The following HAPLN3 variants were observed in gnomAD, a reference collection of about 807,000 sequenced individuals.
The protein encoded by HAPLN3 is extracellular link domain containing, 1.
A neutral mutation model predicts 28.1 loss-of-function variants in HAPLN3; 28 were observed. That is an observed-to-expected ratio of 1.00 (90% CI 0.74 to 1.37). The LOEUF is 1.37. Among genes scored for constraint, HAPLN3 ranks in the 40% most tolerant of loss-of-function variants. HAPLN3 has a pLI of 0.00. For missense variants in HAPLN3, 513 were observed against 504.6 expected (o/e 1.02, Z -0.16); for synonymous variants, 211 against 213.1 (o/e 0.99, Z 0.09).
Position 88,877,834 on chromosome 15 carries a change from A to G in HAPLN3, c.*136T>C. 1.1e-6 allele frequency: 1 copy of G among 897,314 alleles called. No individual in the cohort carries two copies. Among genetic ancestry groups the G allele is most frequent in the Non-Finnish European group, 1.6e-6 (1 of 607,402 alleles). 55.6% of individuals were successfully genotyped at this position (897,314 alleles called of 1,614,324 possible). ...GGGTTCTGTTTGCTTTACAAAAAAT[A>G]GTAAAAAAATGTTTAAAGAAAATTT... is the stretch of plus-strand genomic sequence containing the variant. On this transcript the variant is annotated 3_prime_UTR_variant, in exon 5 of 5. Coordinates refer to ENST00000359595, the MANE Select transcript of HAPLN3 (RefSeq NM_178232.4). The surrounding 1 kb of genome is among the most constrained non-coding windows in gnomAD (Gnocchi z 5.1).
Position 88,878,979 on chromosome 15 carries a change from T to C in HAPLN3, c.784A>G (p.Thr262Ala), listed in dbSNP as rs530554465. Reference sequence around the variant, plus strand: ...CTATTCCACTCACCCTTGAGGGCAGTAGCGAAGCAGAATACATCATAGCGG... The same window carrying C: ...CTATTCCACTCACCCTTGAGGGCAGCAGCGAAGCAGAATACATCATAGCGG... ...LHRYDVFCFA[T>A]ALKGRVYYLE... Residue 262 changes from threonine (T) to alanine (A), a missense_variant, in exon 4 of 5, where the codon ACT (threonine) becomes GCT (alanine). Physicochemically the swap from Thr to Ala is moderately conservative, Grantham distance 58. Coordinates refer to ENST00000359595, the MANE Select transcript of HAPLN3 (RefSeq NM_178232.4). The C allele has an allele frequency of 6.2e-7, 1 of 1,609,538 alleles. No homozygotes were observed. Among genetic ancestry groups the C allele is most frequent in the South Asian group, 1.1e-5 (1 of 90,228 alleles).
At position 88,879,022 on chromosome 15, in the gene HAPLN3, G is replaced by C. The variant is rs1297989485; in HGVS notation, c.741C>G (p.Pro247=). The C allele has an allele frequency of 2.5e-6, 4 of 1,609,272 alleles. No homozygotes were observed. Among genetic ancestry groups the C allele is most frequent in the Non-Finnish European group, 3.4e-6 (4 of 1,178,404 alleles). The change falls in exon 4 of 5, where the codon CCC becomes CCG. Residue 247 remains proline (P), a synonymous_variant. Transcript: ENST00000359595. This position sits in a 1 kb window ranked among gnomAD's most constrained non-coding sequence, Gnocchi z 5.0. ...GLAPGVRSYG[P]RHRRLHRYDV... ...CATAGCGGTGCAGGCGGCGGTGGCG[G>C]GGGCCGTAGCTTCGCACGCCAGGTG...
intron 4 of HAPLN3, 106 bp downstream of exon 4, chr15:88,878,861 T>A (rs944850699): frequency 1.6e-6 from 2 of 1,255,050 alleles, no homozygotes; most frequent in East Asian, 5.2e-5. Context: ...CAGGTGGCAG[T>A]ACCAGCAGAG....
Position 88,881,498 on chromosome 15 carries a change from G to T in HAPLN3, c.352C>A (p.Arg118Ser), listed in dbSNP as rs776182470. Reference sequence around the variant, plus strand: ...TCTTTGTCCTGCCGCAGGTGCACGCGGCCTTGGTAGTCCCCAAAGGAGCGG... The same window carrying T: ...TCTTTGTCCTGCCGCAGGTGCACGCTGCCTTGGTAGTCCCCAAAGGAGCGG... The part of the protein sequence containing the change: ...RHRSFGDYQG[R>S]VHLRQDKEHD... Residue 118 changes from arginine to serine, a missense_variant, in exon 3 of 5, where the codon CGC (arginine) becomes AGC (serine). By Grantham distance (110) the Arg-to-Ser change is moderately radical (BLOSUM62 -1). Coordinates refer to ENST00000359595, the MANE Select transcript of HAPLN3 (RefSeq NM_178232.4). This position sits in a 1 kb window ranked among gnomAD's most constrained non-coding sequence, Gnocchi z 6.0. 6 of 1,614,058 alleles carry T rather than the reference G, an allele frequency of 3.7e-6. No homozygotes were observed. Among genetic ancestry groups the T allele is most frequent in the South Asian group, 1.1e-5 (1 of 91,080 alleles).
rs74030537 is a variant in HAPLN3, at chr15:88,880,747, T to C, written c.493+610A>G. ...TTTGGGGGGGCTTTTTGTTTGTTTT[T>C]TGTTTTGTTTTGTTTTTAAAAAGGA... is the stretch of plus-strand genomic sequence containing the variant. On this transcript the variant is annotated intron_variant, in intron 3 of 4. Transcript: ENST00000359595. This position sits in a 1 kb window ranked among gnomAD's most constrained non-coding sequence, Gnocchi z 6.0. 7,683 of 315,692 alleles carry C rather than the reference T, an allele frequency of 0.024. 639 individuals carry two copies. Among genetic ancestry groups the C allele is most frequent in the African/African-American group, 0.16 (7,103 of 44,480 alleles). The allele number at this position is 315,692 out of a possible 1,614,324, so 19.6% of individuals were successfully genotyped here. A position where few individuals can be genotyped will look rare whatever the true frequency, so the allele number is the denominator to read the frequency against.
chr15:88,891,268 C>T (rs1276941265), intron 1 of HAPLN3, among the ~76,000 whole-genome samples: 1 of 151,834 alleles, frequency 6.6e-6, no homozygotes, highest in East Asian at 1.9e-4. Context: ...AAAGTATTAA[C>T]AGCTGAGCAC....
rs1172713299 is a variant in HAPLN3, at chr15:88,879,474, A to G, written c.494-205T>C. The G allele has an allele frequency of 3.3e-6, 5 of 1,531,852 alleles. No individual in the cohort carries two copies. The highest frequency in any genetic ancestry group is 4.4e-6 in the Non-Finnish European group (5 of 1,144,944). The allele number at this position is 1,531,852 out of a possible 1,614,324, so 94.9% of individuals were successfully genotyped here. On this transcript the variant is annotated intron_variant, in intron 3 of 4. Transcript: ENST00000359595. This position sits in a 1 kb window ranked among gnomAD's most constrained non-coding sequence, Gnocchi z 5.0. ...TCAGCTGGTTCACAGCAGTACTCAG[A>G]AAACATCCATGAGTTAAGGTAATTA...
Position 88,880,484 on chromosome 15 carries a change from A to C in HAPLN3, c.493+873T>G. 7.9e-7 allele frequency: 1 copy of C among 1,259,830 alleles called. No individual in the cohort carries two copies. Among genetic ancestry groups the C allele is most frequent in the Non-Finnish European group, 1.0e-6 (1 of 967,282 alleles). 78.0% of individuals were successfully genotyped at this position (1,259,830 alleles called of 1,614,324 possible). A position where few individuals can be genotyped will look rare whatever the true frequency, so the allele number is the denominator to read the frequency against. On this transcript the variant is annotated intron_variant, in intron 3 of 4. Coordinates refer to ENST00000359595, the MANE Select transcript of HAPLN3 (RefSeq NM_178232.4). This position sits in a 1 kb window ranked among gnomAD's most constrained non-coding sequence, Gnocchi z 6.0. ...TACACCTGAGAGGCCCAGGGCTCTA[A>C]GGGGGATGAGGCATTTACCCACATG...
chr15:88,879,286 G>T lies in HAPLN3; in HGVS notation c.494-17C>A. The T allele has an allele frequency of 6.2e-7, 1 of 1,604,760 alleles. No individual in the cohort carries two copies. Among genetic ancestry groups the T allele is most frequent in the South Asian group, 1.1e-5 (1 of 90,480 alleles). On this transcript the variant is annotated splice_polypyrimidine_tract_variant and intron_variant, in intron 3 of 4. Transcript: ENST00000359595. This position sits in a 1 kb window ranked among gnomAD's most constrained non-coding sequence, Gnocchi z 5.0. ...AGACCACACCTGCAGGGGAAGGAAA[G>T]AGGAGCTTAGGGGGTGGCCAGGGGC...
intron 4 of HAPLN3, among the ~76,000 whole-genome samples, 193 bp from the exon 5 acceptor site, chr15:88,878,449 T>C (rs532932308): frequency 2.6e-5 from 4 of 152,198 alleles, no homozygotes; most frequent in African/African-American, 9.6e-5. Context: ...AGAACCCAGG[T>C]CCCTCCAGAC....
Position 88,880,664 on chromosome 15 carries a change from C to G in HAPLN3, c.493+693G>C. The G allele has an allele frequency of 8.2e-7, 1 of 1,212,476 alleles. No individual in the cohort carries two copies. The highest frequency in any genetic ancestry group is 1.3e-5 in the South Asian group (1 of 78,506). The allele number at this position is 1,212,476 out of a possible 1,614,324, so 75.1% of individuals were successfully genotyped here. ...AAAGATCAAACAGGGACCCCACATA[C>G]AAGATCCGGCTTGCAGGGTGTGGCT... On this transcript the variant is annotated intron_variant, in intron 3 of 4. Coordinates refer to ENST00000359595, the MANE Select transcript of HAPLN3 (RefSeq NM_178232.4). This position sits in a 1 kb window ranked among gnomAD's most constrained non-coding sequence, Gnocchi z 6.0.
At chr15:88,878,502 G>T (rs189847481) in intron 4 of HAPLN3, among the ~76,000 whole-genome samples, 35 of 152,268 alleles carry the variant, frequency 2.3e-4, no homozygotes, top group Non-Finnish European at 4.4e-5. Flanking sequence ...TAGGTGGGTG[G>T]GCACCCCACC....
chr15:88,881,282 G>A lies in HAPLN3; in HGVS notation c.493+75C>T. 2 of 1,507,574 alleles carry A rather than the reference G, an allele frequency of 1.3e-6. No homozygotes were observed. The highest frequency in any genetic ancestry group is 3.8e-5 in the Admixed American group (2 of 52,016). 93.4% of individuals were successfully genotyped at this position (1,507,574 alleles called of 1,614,324 possible). On this transcript the variant is annotated intron_variant, in intron 3 of 4. Coordinates refer to ENST00000359595, the MANE Select transcript of HAPLN3 (RefSeq NM_178232.4). This position sits in a 1 kb window ranked among gnomAD's most constrained non-coding sequence, Gnocchi z 6.0. ...ACTTTTAAATGTCTAAAGCACAGAG[G>A]TCTGGATGTTTTCTCTGGTCCTCTC...
rs1401320478 is a variant in HAPLN3, at chr15:88,879,068, G to A, written c.695C>T (p.Pro232Leu). Residue 232 changes from proline to leucine, a missense_variant, in exon 4 of 5, where the codon CCC becomes CTC. Transcript: ENST00000359595. The surrounding 1 kb of genome is among the most constrained non-coding windows in gnomAD (Gnocchi z 5.0). The part of the protein sequence containing the change: ...VQYPIMLPRQ[P>L]CGGPGLAPGV... ...AGGTGCCAGGCCCGGGCCACCGCAGGGCTGCCGGGGCAACATGATGGGGTA... is the reference window on the plus strand; with the variant it reads ...AGGTGCCAGGCCCGGGCCACCGCAGAGCTGCCGGGGCAACATGATGGGGTA... The A allele has an allele frequency of 1.9e-6, 3 of 1,607,588 alleles. No individual in the cohort carries two copies. The highest frequency in any genetic ancestry group is 2.5e-6 in the Non-Finnish European group (3 of 1,177,166).
rs894969090 is a variant in HAPLN3, at chr15:88,879,183, C to T, written c.580G>A (p.Val194Met). The T allele has an allele frequency of 1.2e-6, 2 of 1,613,864 alleles. No homozygotes were observed. Among genetic ancestry groups the T allele is most frequent in the Non-Finnish European group, 1.7e-6 (2 of 1,179,996 alleles). Residue 194 changes from valine to methionine, a missense_variant, in exon 4 of 5, where the codon GTG becomes ATG. By Grantham distance (21) the Val-to-Met change is conservative (BLOSUM62 1). Coordinates refer to ENST00000359595, the MANE Select transcript of HAPLN3 (RefSeq NM_178232.4). The surrounding 1 kb of genome is among the most constrained non-coding windows in gnomAD (Gnocchi z 5.0). ...GQQVCAEQAA[V>M]VASFEQLFRA... ...AAGAGCTGCTCAAAGGAGGCCACCA[C>T]CGCAGCCTGCTCTGCACAGACCTGC... is the stretch of plus-strand genomic sequence containing the variant.
intron 2 of HAPLN3, among the ~76,000 whole-genome samples, chr15:88,884,820 G>C (rs1897802100): frequency 6.6e-6 from 1 of 151,788 alleles, no homozygotes; most frequent in Non-Finnish European, 1.5e-5. Context: ...TAAAAGAGGA[G>C]AAGACCACGT....
At chr15:88,887,043 G>T in intron 2 of HAPLN3, 132 bp downstream of exon 2, 1 of 959,072 alleles carries the variant, frequency 1.0e-6, no homozygotes, top group Non-Finnish European at 1.7e-6. Flanking sequence ...AAGCAAGCTG[G>T]CCCACTACAA....
At position 88,888,382 on chromosome 15, in the gene HAPLN3, C is replaced by T. The variant is rs1282358999; in HGVS notation, c.-47-1037G>A. ...CTGAGATTACAGGCATAAGCCACTG[C>T]GCCCAACTCAAAAATAATTTTTGAA... On this transcript the variant is annotated intron_variant, in intron 1 of 4. Transcript: ENST00000359595. This position sits in a 1 kb window ranked among gnomAD's most constrained non-coding sequence, Gnocchi z 4.1. Among the ~76,000 whole-genome samples, 6 of 152,126 alleles carry T rather than the reference C, an allele frequency of 3.9e-5. 1 individual carries two copies. The highest frequency in any genetic ancestry group is 4.4e-5 in the Non-Finnish European group (3 of 68,020).
rs773208548 is a variant in HAPLN3 at position 88,887,165 on chromosome 15, G to A, written c.124+10C>T. On this transcript the variant is annotated intron_variant, in intron 2 of 4. Transcript: ENST00000359595. ...GGGGAGCAAAGAGCCGGGTGCAGGA[G>A]GTCGCCTACCTTTGCCATGACCGTT... The A allele has an allele frequency of 1.1e-5, 17 of 1,613,962 alleles. No homozygotes were observed. In the East Asian group the frequency reaches 2.2e-4, roughly 21 times the overall value.
Sources: allele counts gnomAD v4.1 joint callset (sites outside exome capture counted in the v4.1 genomes callset), GRCh38; gene constraint gnomAD v4.1.1; non-coding constraint Gnocchi (gnomAD v3.1); transcripts MANE v1.5; gene names NCBI Gene and HGNC (gene_info 2026-07-23, HGNC 2026-07-21).